ULK4: variants seen among roughly 807,000 people sequenced by gnomAD.
ULK4 encodes unc-51 like kinase 4, also known as inactive serine/threonine-protein kinase ULK4.
In ULK4, 133 loss-of-function variants were observed where a neutral mutation model predicts 160.6. The ratio of observed to expected loss-of-function variants is 0.83; its 90% CI spans 0.72 to 0.96. The LOEUF (loss-of-function observed/expected upper bound fraction) is 0.96. Among genes scored for constraint, ULK4 ranks in the 40% least tolerant of loss-of-function variants. The pLI is 0.00. For synonymous variants in ULK4, 534 were observed against 539.8 expected (o/e 0.99, Z 0.15); for missense variants, 1,580 against 1,499.5 (o/e 1.05, Z -0.89).
Position 41,398,100 on chromosome 3 carries a change from C to A in ULK4, c.3657G>T (p.Leu1219=). Residue 1219 remains leucine (L), a synonymous_variant, in exon 35 of 37, where the codon CTG becomes CTT. Transcript: ENST00000301831. ...SKEDPKEQKL[L]LRILRRMITS... ...TCACCATTCTTCTGAGAATCCTTAA[C>A]AGAAGCTTCTGCTCCTTTGGGTCCT... The A allele has an allele frequency of 1.2e-6, 2 of 1,612,810 alleles. No homozygotes were observed. The highest frequency in any genetic ancestry group is 1.7e-6 in the Non-Finnish European group (2 of 1,179,388).
At chr3:41,881,867 TACA>T (rs1182815969) in intron 17 of ULK4, among the ~76,000 whole-genome samples, 6 of 152,244 alleles carry the variant, frequency 3.9e-5, no homozygotes, top group South Asian at 2.1e-4. Context: ...GTCAACAAAG[TACA>T]ACAACTGGAG....
chr3:41,645,306 T>C (rs575545726), intron 30 of ULK4, among the ~76,000 whole-genome samples: 2 of 152,160 alleles, frequency 1.3e-5, no homozygotes, highest in African/African-American at 4.8e-5. Flanking sequence ...ATTGGATCTT[T>C]CCTGCTTTCT....
intron 32 of ULK4, among the ~76,000 whole-genome samples, chr3:41,543,046 A>T (rs1452733490): frequency 6.6e-6 from 1 of 152,172 alleles, no homozygotes; most frequent in African/African-American, 2.4e-5. Context: ...ACAGAGAAGC[A>T]TTCCCAAGGA....
chr3:41,423,495 G>A (rs995642582), intron 34 of ULK4, among the ~76,000 whole-genome samples: 8 of 151,948 alleles, frequency 5.3e-5, no homozygotes, highest in East Asian at 1.9e-4. Flanking sequence ...ATAGAGCATC[G>A]TGGTTTCCTA....
intron 30 of ULK4, among the ~76,000 whole-genome samples, chr3:41,659,098 C>CTGTT (rs2035051025): frequency 6.6e-6 from 1 of 151,964 alleles, no homozygotes; most frequent in Non-Finnish European, 1.5e-5. Context: ...CTCAATAAAC[C>CTGTT]TGTTTATTTA....
chr3:41,517,570 C>G (rs889899529), intron 32 of ULK4, among the ~76,000 whole-genome samples: 1 of 152,312 alleles, frequency 6.6e-6, no homozygotes, highest in African/African-American at 2.4e-5. Context: ...TTCTGTTCTT[C>G]ATAAATTACT....
intron 29 of ULK4, among the ~76,000 whole-genome samples, chr3:41,680,277 A>G (rs2035878364): frequency 6.6e-6 from 1 of 152,222 alleles, no homozygotes; most frequent in Non-Finnish European, 1.5e-5. Context: ...ACAAAGTTTC[A>G]AACAATTGTC....
At chr3:41,578,274 C>T (rs1456888740) in intron 31 of ULK4, among the ~76,000 whole-genome samples, 1 of 152,190 alleles carries the variant, frequency 6.6e-6, no homozygotes, top group African/African-American at 2.4e-5. Context: ...CAGCAAAAGG[C>T]AACCTGGGTC....
chr3:41,857,650 T>C (rs1295484655), intron 17 of ULK4, among the ~76,000 whole-genome samples: 1 of 152,204 alleles, frequency 6.6e-6, no homozygotes, highest in African/African-American at 2.4e-5. Context: ...TTATTTGTTA[T>C]TAGTCTGTTC....
At chr3:41,844,209 T>G (rs1243933912) in intron 17 of ULK4, among the ~76,000 whole-genome samples, 2 of 151,966 alleles carry the variant, frequency 1.3e-5, no homozygotes, top group African/African-American at 4.8e-5. Context: ...CTGGGCAGCA[T>G]GGAGCAGGGG....
At chr3:41,637,353 T>C (rs745999217) in intron 30 of ULK4, among the ~76,000 whole-genome samples, 38 of 152,334 alleles carry the variant, frequency 2.5e-4, no homozygotes, top group African/African-American at 7.9e-4. Context: ...TCCATCCATA[T>C]TGCCACCAAT....
chr3:41,500,780 T>C (rs2085175063), intron 32 of ULK4, among the ~76,000 whole-genome samples: 2 of 152,182 alleles, frequency 1.3e-5, no homozygotes, highest in South Asian at 4.1e-4. Flanking sequence ...GCAGAGAGTA[T>C]AGGCTCATGC....
intron 35 of ULK4, among the ~76,000 whole-genome samples, chr3:41,332,702 T>C (rs2080471748): frequency 6.6e-6 from 1 of 152,230 alleles, no homozygotes. Context: ...GTTTGTTATG[T>C]GAACATATTG....
chr3:41,290,944 G>C (rs538496662), intron 35 of ULK4, among the ~76,000 whole-genome samples: 1 of 152,350 alleles, frequency 6.6e-6, no homozygotes, highest in South Asian at 2.1e-4. Context: ...ATTCACTGGA[G>C]ACAACACAGG....
At chr3:41,713,090 A>G (rs1225452879) in intron 25 of ULK4, among the ~76,000 whole-genome samples, 2 of 152,078 alleles carry the variant, frequency 1.3e-5, no homozygotes, top group Admixed American at 6.6e-5. Context: ...AAAAAAAGAA[A>G]AAAAAAAGCC....
chr3:41,922,240 C>G (rs537012649), intron 5 of ULK4, among the ~76,000 whole-genome samples: 27 of 152,146 alleles, frequency 1.8e-4, no homozygotes, highest in Non-Finnish European at 2.8e-4. Flanking sequence ...GTACTCCTAG[C>G]TACTTGGAGG....
intron 22 of ULK4, among the ~76,000 whole-genome samples, chr3:41,730,147 ACTT>A (rs2037776944): frequency 1.3e-5 from 2 of 152,174 alleles, no homozygotes; most frequent in South Asian, 2.1e-4. Flanking sequence ...CAACAAAAGC[ACTT>A]CTAAGAGGGA....
At chr3:41,510,277 A>G (rs1406455353) in intron 32 of ULK4, among the ~76,000 whole-genome samples, 1 of 152,218 alleles carries the variant, frequency 6.6e-6, no homozygotes, top group Admixed American at 6.5e-5. Flanking sequence ...CAACAGGAAA[A>G]TATCACAATC....
chr3:41,481,599 G>A (rs906443413), intron 32 of ULK4, among the ~76,000 whole-genome samples: 3 of 151,842 alleles, frequency 2.0e-5, no homozygotes, highest in Admixed American at 6.6e-5. Flanking sequence ...AGGCCGAGGC[G>A]GGCGGATCAC....
Sources: gnomAD v4.1 joint callset for allele counts (sites outside exome capture counted in the v4.1 genomes callset) on GRCh38, gnomAD v4.1.1 for gene constraint, MANE v1.5 for transcripts, NCBI Gene and HGNC (gene_info 2026-07-23, HGNC 2026-07-21) for gene names.